REDIC1: variants seen among roughly 807,000 people sequenced by gnomAD.
REDIC1 encodes regulator of DNA class I crossover intermediates 1, also known as HEI10 Interacting Protein 1.
At chr12:39,833,547 C>T in the REDIC1 span, among the ~76,000 whole-genome samples, 56 of 152,120 alleles carry the variant, frequency 3.7e-4, no homozygotes, top group Admixed American at 6.6e-4. Context: ...TTAAAGCCAC[C>T]CTGCAGAACT....
chr12:39,859,733 G>A, the REDIC1 span, among the ~76,000 whole-genome samples: 1 of 152,050 alleles, frequency 6.6e-6, no homozygotes, highest in Non-Finnish European at 1.5e-5. Flanking sequence ...CACCATGTTG[G>A]CCGGGCTGGT....
chr12:39,835,093 A>T, the REDIC1 span, among the ~76,000 whole-genome samples: 1 of 152,112 alleles, frequency 6.6e-6, no homozygotes, highest in Non-Finnish European at 1.5e-5. Flanking sequence ...CACAAAGTCA[A>T]TGCTCATAAG....
chr12:39,838,198 G>A, the REDIC1 span, among the ~76,000 whole-genome samples: 2 of 150,876 alleles, frequency 1.3e-5, no homozygotes, highest in African/African-American at 2.5e-5. Context: ...GTAGGGACAT[G>A]GATGAAATTG....
the REDIC1 span, among the ~76,000 whole-genome samples, chr12:39,668,549 A>T: frequency 0.037 from 5,591 of 151,992 alleles, 363 homozygotes; most frequent in African/African-American, 0.13. Flanking sequence ...TGTGTCTTGG[A>T]GTTGCTCTTC....
At chr12:39,703,165 G>T in the REDIC1 span, among the ~76,000 whole-genome samples, 2 of 152,176 alleles carry the variant, frequency 1.3e-5, no homozygotes, top group East Asian at 3.8e-4. Context: ...CAGATGACAT[G>T]ACTGCATATA....
the REDIC1 span, among the ~76,000 whole-genome samples, chr12:39,772,284 G>C: frequency 6.6e-6 from 1 of 152,044 alleles, no homozygotes; most frequent in African/African-American, 2.4e-5. Flanking sequence ...TAACCTCTCT[G>C]TGTCTCAATT....
the REDIC1 span, among the ~76,000 whole-genome samples, chr12:39,712,899 G>T: frequency 2.8e-5 from 4 of 144,652 alleles, no homozygotes; most frequent in Non-Finnish European, 6.1e-5. Flanking sequence ...ATGCATATAC[G>T]TGTATATACG....
chr12:39,777,998 AAC>A, the REDIC1 span, among the ~76,000 whole-genome samples: 1 of 152,190 alleles, frequency 6.6e-6, no homozygotes, highest in Non-Finnish European at 1.5e-5. Context: ...AGCACCCTGT[AAC>A]ACACGCCCAC....
the REDIC1 span, among the ~76,000 whole-genome samples, chr12:39,894,720 C>G: frequency 6.6e-6 from 1 of 152,048 alleles, no homozygotes; most frequent in African/African-American, 2.4e-5. Flanking sequence ...AAAGTCAATC[C>G]AAAAGGCTAG....
At chr12:39,727,018 T>C in the REDIC1 span, among the ~76,000 whole-genome samples, 1 of 152,204 alleles carries the variant, frequency 6.6e-6, no homozygotes, top group South Asian at 2.1e-4. Context: ...GTTGTTTGTT[T>C]TTCTTCTTGT....
the REDIC1 span, chr12:39,756,025 C>A: frequency 3.3e-5 from 5 of 151,848 alleles, no homozygotes; most frequent in Non-Finnish European, 5.9e-5. Flanking sequence ...AAAATAGCAG[C>A]AGTATTGCTC....
At chr12:39,633,689 C>T in the REDIC1 span, among the ~76,000 whole-genome samples, 4 of 152,056 alleles carry the variant, frequency 2.6e-5, no homozygotes, top group Admixed American at 2.6e-4. Flanking sequence ...TACCATGTTA[C>T]GACAACTAGG....
the REDIC1 span, among the ~76,000 whole-genome samples, chr12:39,889,065 T>C: frequency 2.0e-5 from 3 of 152,154 alleles, no homozygotes; most frequent in Admixed American, 2.0e-4. Flanking sequence ...TGGTTTTAGA[T>C]ATATTTACAA....
At chr12:39,705,779 C>T in the REDIC1 span, among the ~76,000 whole-genome samples, 1 of 152,012 alleles carries the variant, frequency 6.6e-6, no homozygotes, top group East Asian at 1.9e-4. Flanking sequence ...TGGTAAAAAC[C>T]TTCAAAAAAT....
chr12:39,643,878 T>C, the REDIC1 span: 1 of 1,568,988 alleles, frequency 6.4e-7, no homozygotes, highest in Admixed American at 1.8e-5. Flanking sequence ...TCTTAACCTA[T>C]ATATGGTAAA....
the REDIC1 span, chr12:39,683,191 T>C: frequency 1.4e-6 from 2 of 1,459,058 alleles, no homozygotes; most frequent in South Asian, 2.7e-5. Context: ...TTTCTTTCAG[T>C]TTTAGTATAT....
At chr12:39,851,727 T>C in the REDIC1 span, among the ~76,000 whole-genome samples, 1 of 152,232 alleles carries the variant, frequency 6.6e-6, no homozygotes, top group Admixed American at 6.5e-5. Context: ...TATCAGCTGC[T>C]TAGCAATATG....
the REDIC1 span, among the ~76,000 whole-genome samples, chr12:39,664,410 C>CT: frequency 1.3e-5 from 2 of 151,960 alleles, no homozygotes; most frequent in African/African-American, 2.4e-5. Flanking sequence ...TGAACTCATC[C>CT]TTTTTTATGG....
At chr12:39,855,232 A>T in the REDIC1 span, among the ~76,000 whole-genome samples, 3 of 152,226 alleles carry the variant, frequency 2.0e-5, no homozygotes, top group Non-Finnish European at 4.4e-5. Context: ...TTTATTTTTT[A>T]AAGTATTCTG....
Sources: gnomAD v4.1 joint callset for allele counts (sites outside exome capture counted in the v4.1 genomes callset) on GRCh38, gnomAD v4.1.1 for gene constraint, MANE v1.5 for transcripts, NCBI Gene and HGNC (gene_info 2026-07-23, HGNC 2026-07-21) for gene names.